TRPC4AP: variants seen among roughly 807,000 people sequenced by gnomAD.
TRPC4AP encodes the protein transient receptor potential cation channel subfamily C member 4 associated protein, also known as short transient receptor potential channel 4-associated protein.
In TRPC4AP, 45 loss-of-function variants were observed where a neutral mutation model predicts 99.0. The ratio of observed to expected loss-of-function variants is 0.45; its 90% CI spans 0.36 to 0.58. The LOEUF (loss-of-function observed/expected upper bound fraction) is 0.58, where lower values mean the gene tolerates loss of function less well. Among genes scored for constraint, TRPC4AP ranks in the 20% least tolerant of loss-of-function variants. The pLI is 0.00. For synonymous variants in TRPC4AP, 408 were observed against 385.8 expected (o/e 1.06, Z -0.67); for missense variants, 879 against 985.3 (o/e 0.89, Z 1.44).
chr20:35,060,094 T>A (rs538417548), intron 3 of TRPC4AP, among the ~76,000 whole-genome samples: 2 of 152,190 alleles, frequency 1.3e-5, no homozygotes, highest in East Asian at 3.9e-4. Flanking sequence ...TACAAGACAT[T>A]TAAAGAATGA....
chr20:35,015,145 G>A (rs543689860), intron 10 of TRPC4AP, among the ~76,000 whole-genome samples: 13 of 151,994 alleles, frequency 8.6e-5, no homozygotes, highest in Middle Eastern at 3.4e-3. Flanking sequence ...GATTACAGGT[G>A]CCCCACCAAC....
intron 9 of TRPC4AP, among the ~76,000 whole-genome samples, chr20:35,016,484 A>T (rs1304479146): frequency 6.6e-6 from 1 of 152,202 alleles, no homozygotes; most frequent in Admixed American, 6.5e-5. Context: ...ACCATGTGCA[A>T]ACTTTGTAAC....
rs1006680104 is a variant in TRPC4AP, at chr20:35,076,592, G to A, written c.297+1454C>T. On this transcript the variant is annotated intron_variant, in intron 2 of 18. Transcript: ENST00000252015. ...TGCAGAACAGCAAATATTGCAGAAC[G>A]GCAAATGCTGCTGCCTGATCCTTTC... Among the ~76,000 whole-genome samples the A allele has an allele frequency of 3.9e-5, 6 of 152,308 alleles. No homozygotes were observed. In the East Asian group the frequency reaches 7.7e-4, roughly 20 times the overall value.
At chr20:35,007,816 C>T (rs374015860) in intron 13 of TRPC4AP, among the ~76,000 whole-genome samples, 176 bp from the exon 14 acceptor site, 48 of 152,346 alleles carry the variant, frequency 3.2e-4, no homozygotes, top group Middle Eastern at 6.8e-3. Context: ...CCCATCCTCA[C>T]AGAGAGCCAG....
intron 1 of TRPC4AP, among the ~76,000 whole-genome samples, chr20:35,084,959 T>A (rs556025498): frequency 4.6e-5 from 7 of 152,204 alleles, no homozygotes; most frequent in African/African-American, 1.7e-4. Context: ...ACTACATTGG[T>A]AGACTAGTGG....
chr20:35,019,242 G>T (rs2082828767), intron 9 of TRPC4AP, among the ~76,000 whole-genome samples: 1 of 152,184 alleles, frequency 6.6e-6, no homozygotes. Context: ...AGGAAATGCT[G>T]ACTGTGCAAA....
intron 14 of TRPC4AP, 43 bp downstream of exon 14, chr20:35,007,506 TG>T (rs765902275): frequency 2.5e-6 from 4 of 1,598,016 alleles, no homozygotes; most frequent in Admixed American, 1.7e-5. Flanking sequence ...ACGCGTGGGC[TG>T]GGGGGAGACG....
intron 3 of TRPC4AP, among the ~76,000 whole-genome samples, chr20:35,060,287 C>G (rs2083963904): frequency 6.6e-6 from 1 of 152,022 alleles, no homozygotes; most frequent in African/African-American, 2.4e-5. Flanking sequence ...AATCCAGACA[C>G]ATACAAAAAG....
intron 6 of TRPC4AP, among the ~76,000 whole-genome samples, chr20:35,046,891 C>T (rs1431584287): frequency 1.3e-5 from 2 of 151,540 alleles, no homozygotes; most frequent in South Asian, 2.1e-4. Flanking sequence ...TTTTTTAAGG[C>T]GGAGTCTCAC....
chr20:35,015,583 C>T lies in TRPC4AP; in HGVS notation c.1350+425G>A, dbSNP rs187672416. ...GTTCAAGCAATTCTGGTGCCTCAGCCTCCCGAAGAGTTGGGATTACAGGCA... is the reference window on the plus strand; with the variant it reads ...GTTCAAGCAATTCTGGTGCCTCAGCTTCCCGAAGAGTTGGGATTACAGGCA... On this transcript the variant is annotated intron_variant, in intron 10 of 18. Coordinates refer to ENST00000252015, the MANE Select transcript of TRPC4AP (RefSeq NM_015638.3). Among the ~76,000 whole-genome samples the T allele has an allele frequency of 2.6e-4, 39 of 151,756 alleles. 1 individual carries two copies. In the East Asian group the frequency reaches 7.6e-3, roughly 30 times the overall value.
rs1030059554 is a variant in TRPC4AP, at chr20:35,092,610, G to T, written c.168+4C>A. Reference sequence around the variant, plus strand: ...GCCCCGCCCCTCCTGGTCCAGCCTCGTACCTGCACCGCCCGGACCAGGCCC... The same window carrying T: ...GCCCCGCCCCTCCTGGTCCAGCCTCTTACCTGCACCGCCCGGACCAGGCCC... On this transcript the variant is annotated splice_donor_region_variant and intron_variant, in intron 1 of 18. Transcript: ENST00000252015. 1.4e-6 allele frequency: 2 copies of T among 1,392,392 alleles called. No individual in the cohort carries two copies. The highest frequency in any genetic ancestry group is 1.5e-5 in the African/African-American group (1 of 64,768). The allele number at this position is 1,392,392 out of a possible 1,614,324, so 86.3% of individuals were successfully genotyped here.
chr20:35,024,825 C>CCAAAAAAAAAAAAAAAAAAA (rs1555904985), intron 8 of TRPC4AP, among the ~76,000 whole-genome samples: 3 of 35,882 alleles, frequency 8.4e-5, no homozygotes, highest in Admixed American at 4.0e-4. Flanking sequence ...GAGACCGTCT[C>CCAAAAAAAAAAAAAAAAAAA]AAAAAAAAAA....
chr20:35,047,562 A>T (rs1470367978), intron 6 of TRPC4AP, among the ~76,000 whole-genome samples: 1 of 152,230 alleles, frequency 6.6e-6, no homozygotes, highest in Non-Finnish European at 1.5e-5. Flanking sequence ...ACGAAGCTAC[A>T]AATGTTCTTA....
intron 3 of TRPC4AP, 62 bp from the exon 4 acceptor site, chr20:35,057,633 T>C (rs1352695790): frequency 7.0e-7 from 1 of 1,418,860 alleles, no homozygotes; most frequent in Non-Finnish European, 9.9e-7. Context: ...TAAAATGATT[T>C]TGCCATAACC....
rs1238492899 is a variant in TRPC4AP, at chr20:35,031,440, TC to T, written c.1051+3682del. On this transcript the variant is annotated intron_variant, in intron 8 of 18. Transcript: ENST00000252015. ...TCAAAGAGATGGGGTTTTGCCACATTCCCCAGGCTGGTCTTGAACTCCTGAG... is the reference window on the plus strand; with the variant it reads ...TCAAAGAGATGGGGTTTTGCCACATTCCCAGGCTGGTCTTGAACTCCTGAG... Among the ~76,000 whole-genome samples, 4 of 141,966 alleles carry T rather than the reference TC, an allele frequency of 2.8e-5. No individual in the cohort carries two copies. In the East Asian group the frequency reaches 8.4e-4, roughly 30 times the overall value. The allele number at this position is 141,966 out of a possible 152,430, so 93.1% of individuals were successfully genotyped here. A position where few individuals can be genotyped will look rare whatever the true frequency, so the allele number is the denominator to read the frequency against.
intron 2 of TRPC4AP, among the ~76,000 whole-genome samples, 194 bp downstream of exon 2, chr20:35,077,852 A>C (rs2084524406): frequency 6.6e-6 from 1 of 152,210 alleles, no homozygotes; most frequent in Admixed American, 6.5e-5. Flanking sequence ...AATGGTGATT[A>C]TCTTGGGATG....
At chr20:35,036,134 G>T (rs748037263) in intron 7 of TRPC4AP, among the ~76,000 whole-genome samples, 3 of 152,086 alleles carry the variant, frequency 2.0e-5, no homozygotes, top group Non-Finnish European at 4.4e-5. Context: ...ATTCTGATCG[G>T]CATATTAGAA....
intron 10 of TRPC4AP, among the ~76,000 whole-genome samples, chr20:35,013,657 A>G (rs2082687662): frequency 6.6e-6 from 1 of 152,204 alleles, no homozygotes; most frequent in Non-Finnish European, 1.5e-5. Flanking sequence ...AAATGAAGAA[A>G]GGACCGAGGA....
At chr20:35,003,763 C>A (rs2082450610) in intron 17 of TRPC4AP, 147 bp from the exon 18 acceptor site, 1 of 903,408 alleles carries the variant, frequency 1.1e-6, no homozygotes, top group Non-Finnish European at 1.6e-6. Flanking sequence ...TGAGATAGGA[C>A]TGGGGGAAGG....
Sources: allele counts gnomAD v4.1 joint callset (sites outside exome capture counted in the v4.1 genomes callset), GRCh38; gene constraint gnomAD v4.1.1; transcripts MANE v1.5; gene names NCBI Gene and HGNC (gene_info 2026-07-23, HGNC 2026-07-21).